Variants in MIA2 observed in about 807,000 individuals in gnomAD.
MIA2 encodes the protein melanoma inhibitory activity protein 2.
Under a neutral mutation model 167.8 loss-of-function variants are expected in MIA2, and 127 were observed. That is an observed-to-expected ratio of 0.76 (90% CI 0.66 to 0.88). The LOEUF (loss-of-function observed/expected upper bound fraction) is 0.88, where lower values mean the gene tolerates loss of function less well. MIA2 is among the 40% of genes least tolerant of loss of function. The pLI, the probability that MIA2 is intolerant of heterozygous loss-of-function variation, is 0.00. For missense variants in MIA2, 1,690 were observed against 1,624.7 expected (o/e 1.04, Z -0.69); for synonymous variants, 552 against 541.9 (o/e 1.02, Z -0.26).
intron 12 of MIA2, among the ~76,000 whole-genome samples, chr14:39,294,648 G>C (rs973900495): frequency 6.6e-6 from 1 of 152,134 alleles, no homozygotes; most frequent in South Asian, 2.1e-4. Context: ...TTAAATTTTA[G>C]TAGGGGAGGC....
intron 9 of MIA2, among the ~76,000 whole-genome samples, chr14:39,283,313 C>T (rs1244842954): frequency 1.3e-5 from 2 of 152,204 alleles, no homozygotes; most frequent in African/African-American, 4.8e-5. Flanking sequence ...AGTCTCCATA[C>T]TACTTTCTGT....
chr14:39,312,869 G>A (rs1447982484), intron 18 of MIA2, among the ~76,000 whole-genome samples: 1 of 135,822 alleles, frequency 7.4e-6, no homozygotes, highest in Non-Finnish European at 1.6e-5. Flanking sequence ...GTTTACTTTG[G>A]TTTCATTGTA....
At chr14:39,356,036 A>C (rs1256576208), downstream of MIA2, among the ~76,000 whole-genome samples, 1 of 152,176 alleles carries the variant, frequency 6.6e-6, no homozygotes, top group African/African-American at 2.4e-5. Flanking sequence ...TGTCTCTGCC[A>C]GGCTTTGGTA....
chr14:39,267,374 G>C (rs1278033871), intron 6 of MIA2: 18 of 1,597,716 alleles, frequency 1.1e-5, no homozygotes, highest in African/African-American at 1.3e-5. Flanking sequence ...TCGGGTTCCG[G>C]ACCGAAGGCT....
At chr14:39,259,644 C>T (rs1427321208) in intron 6 of MIA2, among the ~76,000 whole-genome samples, 1 of 151,572 alleles carries the variant, frequency 6.6e-6, no homozygotes, top group Non-Finnish European at 1.5e-5. Flanking sequence ...AATCTTCCCA[C>T]CTCAGGCACC....
chr14:39,325,881 C>A (rs940239062), intron 24 of MIA2, among the ~76,000 whole-genome samples: 1 of 149,624 alleles, frequency 6.7e-6, no homozygotes, highest in Non-Finnish European at 1.5e-5. Flanking sequence ...GCCTGGCTAA[C>A]TTTTGTACTT....
intron 23 of MIA2, among the ~76,000 whole-genome samples, chr14:39,364,347 C>T (rs1248827497): frequency 2.7e-5 from 4 of 150,644 alleles, no homozygotes; most frequent in East Asian, 3.9e-4. Context: ...TCCAACCTGG[C>T]GACAGAGCAA....
intron 18 of MIA2, among the ~76,000 whole-genome samples, chr14:39,311,979 G>A (rs1008309411): frequency 6.0e-5 from 9 of 150,912 alleles, no homozygotes; most frequent in African/African-American, 4.9e-5. Flanking sequence ...ACAGGTGCGC[G>A]CCACCATGCC....
rs1235024733 is a variant in MIA2 at position 39,347,794 on chromosome 14, T to A, written c.3837+23T>A. ...GGTGTAAGTATTGAAAGAGTGGAAT[T>A]GTATGCATGTATTCAGAAGCCTTCT... On this transcript the variant is annotated intron_variant, in intron 27 of 28. Coordinates refer to ENST00000640607, the MANE Select transcript of MIA2 (RefSeq NM_001329214.4). 3.2e-6 allele frequency: 5 copies of A among 1,585,230 alleles called. No individual in the cohort carries two copies. The Middle Eastern group carries it at 6.5e-4, about 205-fold the overall frequency.
At chr14:39,288,455 A>ATTTTTTTTTTTTTT (rs1566747448) in intron 9 of MIA2, among the ~76,000 whole-genome samples, 2 of 15,784 alleles carry the variant, frequency 1.3e-4, no homozygotes, top group African/African-American at 1.6e-4. Flanking sequence ...ATATATATAT[A>ATTTTTTTTTTTTTT]TATATATATA....
chr14:39,309,889 G>C (rs1371330327), intron 18 of MIA2, among the ~76,000 whole-genome samples: 1 of 151,738 alleles, frequency 6.6e-6, no homozygotes, highest in East Asian at 1.9e-4. Context: ...TAAGTACACT[G>C]AAGACCCTTG....
At chr14:39,265,097 G>T (rs1244392477) in intron 6 of MIA2, among the ~76,000 whole-genome samples, 1 of 152,042 alleles carries the variant, frequency 6.6e-6, no homozygotes, top group Non-Finnish European at 1.5e-5. Flanking sequence ...ATTATAGATT[G>T]TAAGAGGGTA....
intron 7 of MIA2, among the ~76,000 whole-genome samples, chr14:39,278,839 T>C (rs974969466): frequency 1.3e-5 from 2 of 152,142 alleles, no homozygotes; most frequent in Non-Finnish European, 2.9e-5. Flanking sequence ...TAATTCACAA[T>C]GTGAATCTTC....
At chr14:39,291,692 A>G (rs1337558286) in intron 10 of MIA2, among the ~76,000 whole-genome samples, 6 of 152,302 alleles carry the variant, frequency 3.9e-5, no homozygotes, top group African/African-American at 1.2e-4. Flanking sequence ...AGCTACCAAC[A>G]TGATGTCACT....
At chr14:39,335,966 A>G (rs978826270) in intron 25 of MIA2, among the ~76,000 whole-genome samples, 1 of 152,202 alleles carries the variant, frequency 6.6e-6, no homozygotes, top group Non-Finnish European at 1.5e-5. Context: ...GTAGTATTCT[A>G]TGGTGTATAT....
At chr14:39,377,761 C>CT (rs35116122) in intron 23 of MIA2, among the ~76,000 whole-genome samples, 57,894 of 148,212 alleles carry the variant, frequency 0.39, 13,434 homozygotes, top group African/African-American at 0.66. Flanking sequence ...GGCTCTCTCC[C>CT]TTTTTTTTTT....
intron 23 of MIA2, among the ~76,000 whole-genome samples, chr14:39,380,691 C>CA (rs145179098): frequency 0.048 from 4,023 of 84,594 alleles, 144 homozygotes; most frequent in East Asian, 0.16. Flanking sequence ...GACTCAGACT[C>CA]AAAAAAAAAA....
At chr14:39,284,254 G>T (rs1377223305) in intron 9 of MIA2, among the ~76,000 whole-genome samples, 1 of 152,070 alleles carries the variant, frequency 6.6e-6, no homozygotes, top group African/African-American at 2.4e-5. Flanking sequence ...TAAGAGTTCA[G>T]TTTCATTCTT....
chr14:39,267,194 G>T, intron 6 of MIA2: 1 of 1,265,562 alleles, frequency 7.9e-7, no homozygotes, highest in South Asian at 2.1e-5. Context: ...GACAGGGTAC[G>T]TCGCAGGCTT....
Sources: allele counts gnomAD v4.1 joint callset (sites outside exome capture counted in the v4.1 genomes callset), GRCh38; gene constraint gnomAD v4.1.1; transcripts MANE v1.5; gene names NCBI Gene and HGNC (gene_info 2026-07-23, HGNC 2026-07-21).